ITPR2: variants seen among roughly 807,000 people sequenced by gnomAD.
The protein encoded by ITPR2 is inositol 1,4,5-trisphosphate receptor type 2.
ITPR2 carries 207 observed loss-of-function variants against 317.1 expected under a neutral mutation model. That is an observed-to-expected ratio of 0.65 (90% CI 0.58 to 0.73). The LOEUF (loss-of-function observed/expected upper bound fraction) is 0.73, where lower values mean the gene tolerates loss of function less well. Ranked by LOEUF, ITPR2 falls within the 30% of genes least tolerant of loss-of-function variation. The pLI, the probability that ITPR2 is intolerant of heterozygous loss-of-function variation, is 0.00. For missense variants in ITPR2, 2,613 were observed against 3,284.0 expected, an observed-to-expected ratio of 0.80 and a Z score of 4.99; for synonymous variants, 1,156 against 1,149.1, an observed-to-expected ratio of 1.01 and a Z score of -0.12.
intron 55 of ITPR2, among the ~76,000 whole-genome samples, chr12:26,349,171 T>C (rs1291620074): frequency 6.6e-6 from 1 of 152,120 alleles, no homozygotes; most frequent in Non-Finnish European, 1.5e-5. Flanking sequence ...ACAAAAACTA[T>C]TCTTGGACTG....
At chr12:26,416,173 T>C (rs59619433) in intron 50 of ITPR2, among the ~76,000 whole-genome samples, 3,481 of 152,302 alleles carry the variant, frequency 0.023, 168 homozygotes, top group East Asian at 0.18. Context: ...ACATTGCTAA[T>C]TGATTTTCTC....
chr12:26,763,293 AC>A (rs1263599736), intron 2 of ITPR2, among the ~76,000 whole-genome samples: 2 of 152,114 alleles, frequency 1.3e-5, no homozygotes, highest in Non-Finnish European at 2.9e-5. Context: ...AAAAAATTAA[AC>A]CTACCAGTTC....
rs1937886302 is a variant in ITPR2, at chr12:26,335,352, T to A, written c.*4045A>T. On this transcript the variant is annotated 3_prime_UTR_variant, in exon 57 of 57. Transcript: ENST00000381340. ...CTTTAAAGTATTGCAAACAAAAAAG[T>A]TATACACATCCAATTTTATTAACAT... 6.6e-6 allele frequency among the ~76,000 whole-genome samples: 1 copy of A among 152,228 alleles called. No homozygotes were observed. The highest frequency in any genetic ancestry group is 2.1e-4 in the South Asian group (1 of 4,832).
chr12:26,391,547 CTTCTTTTCCTTTTT>C (rs1939838622), intron 54 of ITPR2, among the ~76,000 whole-genome samples: 2 of 86,606 alleles, frequency 2.3e-5, no homozygotes, highest in South Asian at 4.6e-4. Context: ...TCTTCTTCTT[CTTCTTTTCCTTTTT>C]TTTTTTTTTT....
At chr12:26,427,866 C>T (rs749754189) in intron 49 of ITPR2, 47 bp downstream of exon 49, 9 of 1,259,302 alleles carry the variant, frequency 7.1e-6, no homozygotes, top group Non-Finnish European at 9.4e-6. Context: ...ATTTCATACA[C>T]TTTTAAACTA....
chr12:26,758,508 A>C (rs962017804), intron 2 of ITPR2, among the ~76,000 whole-genome samples: 1 of 152,234 alleles, frequency 6.6e-6, no homozygotes, highest in South Asian at 2.1e-4. Context: ...CTTTCTAGCC[A>C]TAATGGTCCC....
chr12:26,417,006 G>A (rs924772346), intron 50 of ITPR2, among the ~76,000 whole-genome samples: 4 of 152,060 alleles, frequency 2.6e-5, no homozygotes, highest in African/African-American at 4.8e-5. Flanking sequence ...GTTGACATTG[G>A]GCAAGCTGAT....
chr12:26,600,222 C>A (rs929079582), intron 28 of ITPR2, 113 bp from the exon 29 acceptor site: 4 of 830,762 alleles, frequency 4.8e-6, no homozygotes, highest in Non-Finnish European at 7.4e-6. Flanking sequence ...TCTTTGATCT[C>A]CTTTCTCTGT....
intron 24 of ITPR2, among the ~76,000 whole-genome samples, chr12:26,623,695 G>A (rs1036003993): frequency 1.3e-5 from 2 of 152,050 alleles, no homozygotes; most frequent in Non-Finnish European, 2.9e-5. Flanking sequence ...TAATATAAAT[G>A]AGCACCAGAA....
chr12:26,587,315 G>A (rs1449240568), intron 32 of ITPR2, among the ~76,000 whole-genome samples: 2 of 150,948 alleles, frequency 1.3e-5, no homozygotes, highest in Non-Finnish European at 2.9e-5. Flanking sequence ...ATGTCAGGTG[G>A]TAATAAATTC....
intron 34 of ITPR2, among the ~76,000 whole-genome samples, chr12:26,577,411 A>G (rs1253999372): frequency 6.6e-6 from 1 of 152,170 alleles, no homozygotes; most frequent in Non-Finnish European, 1.5e-5. Flanking sequence ...TATCAGTTGA[A>G]TTTTCCAATC....
intron 37 of ITPR2, among the ~76,000 whole-genome samples, chr12:26,549,935 T>G (rs1944483179): frequency 6.6e-6 from 1 of 151,928 alleles, no homozygotes; most frequent in African/African-American, 2.4e-5. Context: ...ATAATGCATC[T>G]CAGTTACTCA....
chr12:26,641,117 G>A (rs1471234477), intron 21 of ITPR2, among the ~76,000 whole-genome samples: 1 of 152,144 alleles, frequency 6.6e-6, no homozygotes, highest in South Asian at 2.1e-4. Flanking sequence ...ATTTATTTCA[G>A]GAAAGGAAGA....
intron 2 of ITPR2, among the ~76,000 whole-genome samples, chr12:26,750,738 A>G (rs779668315): frequency 4.7e-4 from 71 of 152,338 alleles, no homozygotes; most frequent in Middle Eastern, 3.4e-3. Context: ...GGCTCTAAGC[A>G]AAGTCCTGAC....
chr12:26,641,850 A>G lies in ITPR2; in HGVS notation c.2741-9791T>C, dbSNP rs114841602. ...AGAAAAGCTGGGAGGTGGAATGAGG[A>G]GAGTCCTTTTAGGCACCGTTGACAA... is the stretch of plus-strand genomic sequence containing the variant. On this transcript the variant is annotated intron_variant, in intron 21 of 56. Coordinates refer to ENST00000381340, the MANE Select transcript of ITPR2 (RefSeq NM_002223.4). 6.2e-3 allele frequency among the ~76,000 whole-genome samples: 950 copies of G among 152,318 alleles called. 8 individuals are homozygous for G. Among genetic ancestry groups the G allele is most frequent in the African/African-American group, 0.022 (918 of 41,568 alleles).
intron 2 of ITPR2, among the ~76,000 whole-genome samples, chr12:26,768,327 G>A (rs947135047): frequency 8.0e-5 from 12 of 149,252 alleles, no homozygotes; most frequent in Non-Finnish European, 1.6e-4. Flanking sequence ...TGACACGTTG[G>A]TGGGTGCAGC....
chr12:26,406,935 A>G (rs1285149359), intron 52 of ITPR2, among the ~76,000 whole-genome samples: 1 of 152,214 alleles, frequency 6.6e-6, no homozygotes, highest in Non-Finnish European at 1.5e-5. Context: ...TATTTTTATT[A>G]CTAATGTAGG....
At chr12:26,357,095 C>G (rs1015876845) in intron 55 of ITPR2, among the ~76,000 whole-genome samples, 2 of 151,692 alleles carry the variant, frequency 1.3e-5, no homozygotes, top group Non-Finnish European at 2.9e-5. Flanking sequence ...GCTGCCAGAG[C>G]GCACCTGGGT....
At chr12:26,456,328 A>G (rs1220409410) in intron 45 of ITPR2, among the ~76,000 whole-genome samples, 2 of 152,066 alleles carry the variant, frequency 1.3e-5, no homozygotes, top group Admixed American at 6.5e-5. Context: ...GCTTAAAGAC[A>G]CTCCTAGCAG....
Sources: gnomAD v4.1 joint callset for allele counts (sites outside exome capture counted in the v4.1 genomes callset) on GRCh38, gnomAD v4.1.1 for gene constraint, MANE v1.5 for transcripts, NCBI Gene and HGNC (gene_info 2026-07-23, HGNC 2026-07-21) for gene names.